PRIMA1: variants seen among roughly 807,000 people sequenced by gnomAD.
The protein encoded by PRIMA1 is proline-rich membrane anchor 1.
Under a neutral mutation model 17.5 loss-of-function variants are expected in PRIMA1, and 7 were observed. The ratio of observed to expected loss-of-function variants is 0.40; its 90% CI spans 0.23 to 0.75. The LOEUF (loss-of-function observed/expected upper bound fraction) is 0.75. Among genes scored for constraint, PRIMA1 ranks in the 30% least tolerant of loss-of-function variants. The pLI is 0.37. For missense variants in PRIMA1, 200 were observed against 201.8 expected (o/e 0.99, Z 0.05); for synonymous variants, 97 against 77.9 (o/e 1.25, Z -1.29).
At chr14:93,723,045 T>G (rs2076052365) in intron 4 of PRIMA1, among the ~76,000 whole-genome samples, 1 of 152,084 alleles carries the variant, frequency 6.6e-6, no homozygotes, top group Admixed American at 6.5e-5. Context: ...CAGTGTACTT[T>G]TGGGCCTGGC....
intron 3 of PRIMA1, among the ~76,000 whole-genome samples, chr14:93,764,636 G>A (rs544347146): frequency 1.3e-5 from 2 of 152,270 alleles, no homozygotes; most frequent in South Asian, 2.1e-4. Flanking sequence ...GTGATTTACT[G>A]CTCCTTAAAT....
intron 4 of PRIMA1, 107 bp from the exon 5 acceptor site, chr14:93,721,653 TGA>T: frequency 1.4e-6 from 1 of 696,684 alleles, no homozygotes; most frequent in Non-Finnish European, 2.5e-6. Flanking sequence ...CCCTGCTCCG[TGA>T]GAGTGTCAGA....
intron 3 of PRIMA1, among the ~76,000 whole-genome samples, chr14:93,757,703 G>A (rs1208546147): frequency 6.6e-6 from 1 of 152,148 alleles, no homozygotes; most frequent in Non-Finnish European, 1.5e-5. Context: ...TGTCTTGGTG[G>A]GAACATAAGT....
intron 3 of PRIMA1, among the ~76,000 whole-genome samples, chr14:93,774,721 G>A (rs911750064): frequency 1.3e-5 from 2 of 152,108 alleles, no homozygotes; most frequent in African/African-American, 4.8e-5. Flanking sequence ...CTTCCCAATA[G>A]CACCTCTTTA....
At chr14:93,761,466 C>T (rs1196327564) in intron 3 of PRIMA1, among the ~76,000 whole-genome samples, 1 of 152,244 alleles carries the variant, frequency 6.6e-6, no homozygotes, top group Non-Finnish European at 1.5e-5. Flanking sequence ...CTCGTGGTCA[C>T]TGTGCCCAGC....
intron 3 of PRIMA1, among the ~76,000 whole-genome samples, chr14:93,756,881 G>A (rs1224480274): frequency 2.6e-5 from 4 of 151,998 alleles, no homozygotes; most frequent in Non-Finnish European, 5.9e-5. Flanking sequence ...CCCTTCAAAC[G>A]TGTCCTCCAC....
intron 3 of PRIMA1, among the ~76,000 whole-genome samples, chr14:93,768,004 A>G (rs917347972): frequency 2.0e-5 from 3 of 152,202 alleles, no homozygotes; most frequent in African/African-American, 7.2e-5. Context: ...GGTTGCAAAC[A>G]TTGTGAATAT....
intron 4 of PRIMA1, among the ~76,000 whole-genome samples, chr14:93,736,018 C>T (rs1369740149): frequency 1.3e-5 from 2 of 152,184 alleles, no homozygotes; most frequent in Non-Finnish European, 2.9e-5. Flanking sequence ...TAAGCCGCTA[C>T]CCAGAGTTAC....
intron 3 of PRIMA1, 140 bp downstream of exon 3, chr14:93,779,036 G>T: frequency 1.6e-6 from 1 of 615,520 alleles, no homozygotes; most frequent in Admixed American, 3.1e-5. Flanking sequence ...GCAGGGGAAA[G>T]TTGGGCCTTG....
chr14:93,768,454 C>T (rs760044677), intron 3 of PRIMA1, among the ~76,000 whole-genome samples: 7 of 152,202 alleles, frequency 4.6e-5, no homozygotes, highest in Non-Finnish European at 7.3e-5. Context: ...GCGAGCATCA[C>T]CTGGGGCAGC....
intron 3 of PRIMA1, among the ~76,000 whole-genome samples, chr14:93,740,384 C>G (rs2076177593): frequency 6.6e-6 from 1 of 151,668 alleles, no homozygotes; most frequent in Non-Finnish European, 1.5e-5. Flanking sequence ...GGGGTGATGC[C>G]CCCACCTTCC....
intron 4 of PRIMA1, among the ~76,000 whole-genome samples, chr14:93,721,901 G>C (rs1274373130): frequency 2.0e-5 from 3 of 152,224 alleles, no homozygotes; most frequent in South Asian, 4.1e-4. Context: ...TGATCTCTTC[G>C]ATCAGGGCAG....
intron 3 of PRIMA1, among the ~76,000 whole-genome samples, chr14:93,775,775 C>G (rs1885199095): frequency 6.6e-6 from 1 of 152,272 alleles, no homozygotes. Context: ...TAGACATTCC[C>G]TGCCCTCCTG....
Position 93,721,138 on chromosome 14 carries a change from C to T in PRIMA1, c.*306G>A, listed in dbSNP as rs2076034932. On this transcript the variant is annotated 3_prime_UTR_variant, in exon 5 of 5. Transcript: ENST00000393140. ...CCCTCTGGCTTCGCCAGTGCGCATG[C>T]TTTAGACAGCAGCTGGGGGCAGTCG... 1 of 357,874 alleles carries T rather than the reference C, an allele frequency of 2.8e-6. No homozygotes were observed. 22.2% of individuals were successfully genotyped at this position (357,874 alleles called of 1,614,324 possible).
intron 4 of PRIMA1, among the ~76,000 whole-genome samples, chr14:93,723,668 T>C (rs2076057265): frequency 6.6e-6 from 1 of 152,130 alleles, no homozygotes; most frequent in Non-Finnish European, 1.5e-5. Flanking sequence ...CCACAGTGCA[T>C]CATGCTTTGT....
chr14:93,779,209 G>T lies in PRIMA1; in HGVS notation c.196C>A (p.Pro66Thr). 7.3e-7 allele frequency: 1 copy of T among 1,367,022 alleles called. No homozygotes were observed. Among genetic ancestry groups the T allele is most frequent in the Non-Finnish European group, 9.7e-7 (1 of 1,034,434 alleles). The allele number at this position is 1,367,022 out of a possible 1,614,324, so 84.7% of individuals were successfully genotyped here. ...PPPPLPPPPPPPPPPRLLSAP... is the reference protein window; with the variant it reads ...PPPPLPPPPPTPPPPRLLSAP... Reference sequence around the variant, plus strand: ...GAGAGGAGTCTGGGAGGTGGCGGGGGTGGGGGCGGCGGGGGCAGCGGGGGA... The same window carrying T: ...GAGAGGAGTCTGGGAGGTGGCGGGGTTGGGGGCGGCGGGGGCAGCGGGGGA... The change falls in exon 3 of 5, where the codon CCC becomes ACC. Residue 66 changes from proline to threonine, a missense_variant. Transcript: ENST00000393140.
chr14:93,782,192 C>G (rs764400243), intron 2 of PRIMA1, among the ~76,000 whole-genome samples: 1 of 152,146 alleles, frequency 6.6e-6, no homozygotes, highest in Admixed American at 6.5e-5. Flanking sequence ...GGCGTGAACA[C>G]GGGAGGCGGA....
intron 2 of PRIMA1, among the ~76,000 whole-genome samples, chr14:93,781,002 G>A: frequency 6.6e-6 from 1 of 152,312 alleles, no homozygotes; most frequent in African/African-American, 2.4e-5. Flanking sequence ...GGCAGGGAGA[G>A]CCCCCCGGGG....
intron 4 of PRIMA1, 32 bp from the exon 5 acceptor site, chr14:93,721,578 A>C: frequency 3.7e-6 from 5 of 1,351,402 alleles, no homozygotes; most frequent in Middle Eastern, 1.8e-4. Context: ...AGGAAAGGCA[A>C]AGGAGGGGGA....
Sources: gnomAD v4.1 joint callset for allele counts (sites outside exome capture counted in the v4.1 genomes callset) on GRCh38, gnomAD v4.1.1 for gene constraint, MANE v1.5 for transcripts, NCBI Gene and HGNC (gene_info 2026-07-23, HGNC 2026-07-21) for gene names.